The following CD59 variants were observed in gnomAD, a reference collection of about 807,000 sequenced individuals.
The protein encoded by CD59 is CD59 molecule (CD59 blood group), also known as CD59 glycoprotein.
A neutral mutation model predicts 7.0 loss-of-function variants in CD59; 3 were observed. The observed-to-expected ratio is 0.43, with a 90% CI of 0.19 to 1.10. The LOEUF (loss-of-function observed/expected upper bound fraction) is 1.10, where lower values mean the gene tolerates loss of function less well. Ranked by LOEUF, CD59 falls within the 50% of genes least tolerant of loss-of-function variation. The pLI, the probability that CD59 is intolerant of heterozygous loss-of-function variation, is 0.29. For synonymous variants in CD59, 60 were observed against 62.0 expected (o/e 0.97, Z 0.15); for missense variants, 143 against 151.0 (o/e 0.95, Z 0.28).
chr11:33,730,741 G>A (rs998889983), intron 1 of CD59, among the ~76,000 whole-genome samples: 1 of 152,118 alleles, frequency 6.6e-6, no homozygotes, highest in Non-Finnish European at 1.5e-5. Context: ...CGTGTTAAGC[G>A]CAATAGTGTA....
At chr11:33,730,390 G>C (rs529506035) in intron 1 of CD59, among the ~76,000 whole-genome samples, 58 of 152,202 alleles carry the variant, frequency 3.8e-4, no homozygotes, top group African/African-American at 1.3e-3. Context: ...CTCCCACCTG[G>C]GCGACAGAGT....
chr11:33,715,696 A>G (rs1379218044), intron 3 of CD59, among the ~76,000 whole-genome samples: 1 of 152,172 alleles, frequency 6.6e-6, no homozygotes, highest in South Asian at 2.1e-4. Flanking sequence ...GGCCATTTTA[A>G]TAGGTGTGTC....
At chr11:33,727,929 A>G (rs978789015) in intron 1 of CD59, among the ~76,000 whole-genome samples, 2 of 152,196 alleles carry the variant, frequency 1.3e-5, no homozygotes, top group African/African-American at 4.8e-5. Flanking sequence ...AATTGCTATA[A>G]AAAGAATAAA....
rs566202708 is a variant in CD59 at position 33,726,323 on chromosome 11, A to G, written c.-18-3860T>C. On this transcript the variant is annotated intron_variant, in intron 1 of 3. Coordinates refer to ENST00000642928, the MANE Select transcript of CD59 (RefSeq NM_000611.6). ...AATGTAAAAGAACAGAAATCACAAC[A>G]AACTGTCTCTCAGAACACAGTGCAA... Among the ~76,000 whole-genome samples, 10 of 152,354 alleles carry G rather than the reference A, an allele frequency of 6.6e-5. No individual in the cohort carries two copies. In the South Asian group the frequency reaches 1.4e-3, roughly 22 times the overall value.
At chr11:33,721,143 A>AT (rs1854042461) in intron 2 of CD59, among the ~76,000 whole-genome samples, 1 of 152,240 alleles carries the variant, frequency 6.6e-6, no homozygotes, top group African/African-American at 2.4e-5. Flanking sequence ...TATAGAAAAA[A>AT]TATAGTGTTT....
chr11:33,711,125 T>A (rs1853537797), intron 3 of CD59, among the ~76,000 whole-genome samples: 1 of 151,574 alleles, frequency 6.6e-6, no homozygotes, highest in Admixed American at 6.6e-5. Flanking sequence ...AAGGACATTA[T>A]CAAAAAATAA....
intron 1 of CD59, among the ~76,000 whole-genome samples, chr11:33,728,307 TG>T: frequency 6.6e-6 from 1 of 152,332 alleles, no homozygotes; most frequent in East Asian, 1.9e-4. Flanking sequence ...AGCATGGTAC[TG>T]GTACCGAAAC....
At chr11:33,721,918 G>A (rs1854083270) in intron 2 of CD59, among the ~76,000 whole-genome samples, 1 of 152,204 alleles carries the variant, frequency 6.6e-6, no homozygotes, top group Admixed American at 6.5e-5. Context: ...AGTAGTGACT[G>A]GCACATAAAT....
At chr11:33,727,879 GACAA>G (rs1454019013) in intron 1 of CD59, among the ~76,000 whole-genome samples, 9 of 152,106 alleles carry the variant, frequency 5.9e-5, no homozygotes, top group East Asian at 3.9e-4. Context: ...ACCAATAACA[GACAA>G]ACAGAGAGCC....
chr11:33,735,540 G>GT (rs918389015), intron 1 of CD59, among the ~76,000 whole-genome samples: 1 of 152,056 alleles, frequency 6.6e-6, no homozygotes, highest in Admixed American at 6.6e-5. Flanking sequence ...GGTTAATGTT[G>GT]TTTTTTGAAA....
In CD59 at chr11:33,717,387, C is replaced by CA. The variant is rs1564972777; in HGVS notation, c.151dup (p.Cys51LeufsTer12). Reference sequence around the variant, plus strand: ...GCTCTTACCAGCTTTGGTAATGAGACACGCATCAAAATCAGATGAACAATT... The same window carrying CA: ...GCTCTTACCAGCTTTGGTAATGAGACAACGCATCAAAATCAGATGAACAATT... On this transcript the variant is annotated frameshift_variant, in exon 3 of 4. Transcript: ENST00000642928. LOFTEE classifies it low-confidence loss of function (END_TRUNC). 4.3e-6 allele frequency: 7 copies of CA among 1,612,006 alleles called. No individual in the cohort carries two copies. The highest frequency in any genetic ancestry group is 1.3e-5 in the African/African-American group (1 of 74,996).
At chr11:33,718,449 C>G (rs1222055870) in intron 2 of CD59, 1 of 151,678 alleles carries the variant, frequency 6.6e-6, no homozygotes, top group Non-Finnish European at 1.5e-5. Context: ...CACCACTGCA[C>G]TCCAGCTTGG....
rs368285062 is a variant in CD59, at chr11:33,725,205, A to C, written c.-18-2742T>G. On this transcript the variant is annotated intron_variant, in intron 1 of 3. Coordinates refer to ENST00000642928, the MANE Select transcript of CD59 (RefSeq NM_000611.6). Reference sequence around the variant, plus strand: ...AACATCAGGAAAATTCACACATGACAATGTTCCTTTTCTAGTAGTCATAGA... The same window carrying C: ...AACATCAGGAAAATTCACACATGACCATGTTCCTTTTCTAGTAGTCATAGA... Among the ~76,000 whole-genome samples, 8 of 152,016 alleles carry C rather than the reference A, an allele frequency of 5.3e-5. No homozygotes were observed. In the East Asian group the frequency reaches 1.2e-3, roughly 22 times the overall value.
Position 33,728,200 on chromosome 11 carries a change from C to T in CD59, c.-18-5737G>A, listed in dbSNP as rs543624837. Reference sequence around the variant, plus strand: ...AATTTCATATGGAACCAAAAAAGAGCCCACATAGCCAAGACAATCCTAAGC... The same window carrying T: ...AATTTCATATGGAACCAAAAAAGAGTCCACATAGCCAAGACAATCCTAAGC... On this transcript the variant is annotated intron_variant, in intron 1 of 3. Transcript: ENST00000642928. Among the ~76,000 whole-genome samples, 82 of 152,272 alleles carry T rather than the reference C, an allele frequency of 5.4e-4. 1 individual carries two copies. Among genetic ancestry groups the T allele is most frequent in the South Asian group, 2.1e-3 (10 of 4,824 alleles).
At chr11:33,719,272 T>C (rs953935478) in intron 2 of CD59, 1 of 152,226 alleles carries the variant, frequency 6.6e-6, no homozygotes, top group Non-Finnish European at 1.5e-5. Flanking sequence ...CAATAGAGGA[T>C]CCTCTGACTT....
Position 33,723,404 on chromosome 11 carries a change from G to A in CD59, c.-18-941C>T, listed in dbSNP as rs533344745. On this transcript the variant is annotated intron_variant, in intron 1 of 3. Coordinates refer to ENST00000642928, the MANE Select transcript of CD59 (RefSeq NM_000611.6). Reference sequence around the variant, plus strand: ...CCCTTCCTTCTCACACATCTTGAAGGTCATCTGCTACTTAGGAATTTGCTG... The same window carrying A: ...CCCTTCCTTCTCACACATCTTGAAGATCATCTGCTACTTAGGAATTTGCTG... Among the ~76,000 whole-genome samples the A allele has an allele frequency of 7.4e-4, 113 of 152,306 alleles. 1 individual carries two copies. The highest frequency in any genetic ancestry group is 2.5e-3 in the African/African-American group (102 of 41,566).
chr11:33,721,319 G>A (rs1854050695), intron 2 of CD59, among the ~76,000 whole-genome samples: 1 of 152,106 alleles, frequency 6.6e-6, no homozygotes, highest in Non-Finnish European at 1.5e-5. Context: ...TAATATGGGA[G>A]GTAACAGTAC....
In CD59 at chr11:33,706,642, G is replaced by A. The variant is rs1333782988; in HGVS notation, c.*3484C>T. On this transcript the variant is annotated 3_prime_UTR_variant, in exon 4 of 4. Transcript: ENST00000642928. ...AGGTTCCTAACTACAAAATCCACGG[G>A]TTTAACTGCTGCTCTCCTGAAATGA... The A allele has an allele frequency of 6.6e-6, 1 of 152,102 alleles. No individual in the cohort carries two copies. The highest frequency in any genetic ancestry group is 1.5e-5 in the Non-Finnish European group (1 of 68,034). 9.4% of individuals were successfully genotyped at this position (152,102 alleles called of 1,614,324 possible). A position where few individuals can be genotyped will look rare whatever the true frequency, so the allele number is the denominator to read the frequency against.
At position 33,707,044 on chromosome 11, in the gene CD59, T is replaced by C. The variant is rs1853338653; in HGVS notation, c.*3082A>G. 6.6e-6 allele frequency: 1 copy of C among 152,166 alleles called. No individual in the cohort carries two copies. The highest frequency in any genetic ancestry group is 2.1e-4 in the South Asian group (1 of 4,822). 9.4% of individuals were successfully genotyped at this position (152,166 alleles called of 1,614,324 possible). ...TAGTTTCCTCTTGTGTAAAGTGAGG[T>C]GCAAGTACAGATGAAAATGTATATA... On this transcript the variant is annotated 3_prime_UTR_variant, in exon 4 of 4. Transcript: ENST00000642928.
Sources: allele counts gnomAD v4.1 joint callset (sites outside exome capture counted in the v4.1 genomes callset), GRCh38; gene constraint gnomAD v4.1.1; transcripts MANE v1.5; gene names NCBI Gene and HGNC (gene_info 2026-07-23, HGNC 2026-07-21).